INHBA: variants seen among roughly 807,000 people sequenced by gnomAD.
INHBA encodes the protein inhibin beta A chain.
Under a neutral mutation model 29.0 loss-of-function variants are expected in INHBA, and 1 was observed. The observed-to-expected ratio is 0.03, with a 90% CI of 0.01 to 0.16. The LOEUF (loss-of-function observed/expected upper bound fraction) is 0.16. Among genes scored for constraint, INHBA ranks in the 10% least tolerant of loss-of-function variants. The pLI, the probability that INHBA is intolerant of heterozygous loss-of-function variation, is 1.00. For synonymous variants in INHBA, 242 were observed against 216.8 expected, an observed-to-expected ratio of 1.12 and a Z score of -1.02; for missense variants, 376 against 545.4, an observed-to-expected ratio of 0.69 and a Z score of 3.09.
upstream of INHBA, among the ~76,000 whole-genome samples, chr7:41,703,607 T>C (rs1794843955): frequency 6.6e-6 from 1 of 152,178 alleles, no homozygotes; most frequent in African/African-American, 2.4e-5. Context: ...AATCATATGA[T>C]GATGGTCTCC....
At chr7:41,704,674 G>A (rs1304307071), upstream of INHBA, among the ~76,000 whole-genome samples, 1 of 150,250 alleles carries the variant, frequency 6.7e-6, no homozygotes, top group African/African-American at 2.5e-5. Flanking sequence ...CGTGGGGTGG[G>A]GGTGGGGGGC....
rs2128669131 is a variant in INHBA, at chr7:41,689,815, G to A, written c.1116C>T (p.Val372=). The change falls in exon 3 of 3, where the codon GTC becomes GTT. Residue 372 remains valine (V), a synonymous_variant. Transcript: ENST00000242208. ...GGCCCCGCATGCGGTAGTGGTTGAT[G>A]ACTGTTGAGTGGAAGGACAGTGAGG... ...SGSSLSFHST[V]INHYRMRGHS... 8 of 1,614,128 alleles carry A rather than the reference G, an allele frequency of 5.0e-6. No individual in the cohort carries two copies. The East Asian group carries it at 1.8e-4, about 36-fold the overall frequency.
chr7:41,700,487 T>A lies in INHBA; in HGVS notation c.-113A>T. 9.2e-7 allele frequency: 1 copy of A among 1,082,758 alleles called. No homozygotes were observed. The highest frequency in any genetic ancestry group is 1.2e-6 in the Non-Finnish European group (1 of 800,974). The allele number at this position is 1,082,758 out of a possible 1,614,324, so 67.1% of individuals were successfully genotyped here. A position where few individuals can be genotyped will look rare whatever the true frequency, so the allele number is the denominator to read the frequency against. On this transcript the variant is annotated 5_prime_UTR_variant, in exon 2 of 3. Transcript: ENST00000242208. ...TTTTTTTATTTTTTTTTTTGGTGTT[T>A]TTTTTTTCCTTCTCCTCTTCAGCAA...
rs1450956562 is a variant in INHBA at position 41,687,735 on chromosome 7, G to T, written c.*1915C>A. The stretch of plus-strand genomic sequence containing the variant: ...AATTAATTATCTTTTAGTTAGTGAT[G>T]ACATTATTTTTCCCAGCTGGTACAG... On this transcript the variant is annotated 3_prime_UTR_variant, in exon 3 of 3. Transcript: ENST00000242208. 6.6e-6 allele frequency: 1 copy of T among 152,100 alleles called. No homozygotes were observed. The highest frequency in any genetic ancestry group is 1.9e-4 in the East Asian group (1 of 5,202). 9.4% of individuals were successfully genotyped at this position (152,100 alleles called of 1,614,324 possible).
chr7:41,697,751 A>G (rs1186167182), intron 2 of INHBA, among the ~76,000 whole-genome samples: 1 of 152,226 alleles, frequency 6.6e-6, no homozygotes, highest in Non-Finnish European at 1.5e-5. Flanking sequence ...GGTCTTTTCT[A>G]TTCATGTTCA....
intron 2 of INHBA, among the ~76,000 whole-genome samples, chr7:41,694,334 G>C (rs971045596): frequency 2.6e-5 from 4 of 152,164 alleles, no homozygotes; most frequent in Non-Finnish European, 5.9e-5. Flanking sequence ...ACCTGAGAGA[G>C]ATTGCTATAC....
In INHBA at chr7:41,700,232, G is replaced by A. The variant is rs1316814689; in HGVS notation, c.143C>T (p.Pro48Leu). 9.3e-6 allele frequency: 15 copies of A among 1,613,396 alleles called. No individual in the cohort carries two copies. Among genetic ancestry groups the A allele is most frequent in the Non-Finnish European group, 1.3e-5 (15 of 1,179,620 alleles). ...CTCCACCATCTCTGGCTGAGAGTTG[G>A]GTACATCCTTTGGGAGGGCGGCCAG... ...CALAALPKDV[P>L]NSQPEMVEAV... The change falls in exon 2 of 3, where the codon CCC becomes CTC. Residue 48 changes from proline (P) to leucine (L), a missense_variant. By Grantham distance (98) the Pro-to-Leu change is moderately conservative. This residue lies in a region of INHBA where 71 missense variants were observed against 77.0 expected (regional missense o/e 0.92). Transcript: ENST00000242208.
intron 2 of INHBA, among the ~76,000 whole-genome samples, chr7:41,699,692 T>C (rs2128671231): frequency 6.6e-6 from 1 of 152,226 alleles, no homozygotes; most frequent in Admixed American, 6.5e-5. Flanking sequence ...ACAGTCTGCC[T>C]TCCAGCTCAA....
rs1259946920 is a variant in INHBA at position 41,700,444 on chromosome 7, T to G, written c.-70A>C. 1 of 1,350,478 alleles carries G rather than the reference T, an allele frequency of 7.4e-7. No individual in the cohort carries two copies. Among genetic ancestry groups the G allele is most frequent in the African/African-American group, 1.5e-5 (1 of 68,630 alleles). The allele number at this position is 1,350,478 out of a possible 1,614,324, so 83.7% of individuals were successfully genotyped here. A position where few individuals can be genotyped will look rare whatever the true frequency, so the allele number is the denominator to read the frequency against. On this transcript the variant is annotated 5_prime_UTR_variant, in exon 2 of 3. Coordinates refer to ENST00000242208, the MANE Select transcript of INHBA (RefSeq NM_002192.4). ...CTTTTCCTCCCCCCTCACGCGCAGG[T>G]TTTTTTGTGTGTGTGGATTTTTTTA...
chr7:41,703,380 T>A (rs1794838760), upstream of INHBA, among the ~76,000 whole-genome samples: 1 of 152,200 alleles, frequency 6.6e-6, no homozygotes, highest in Non-Finnish European at 1.5e-5. Context: ...TGTCCAACTT[T>A]CAACTTTTAC....
rs1794409836 is a variant in INHBA at position 41,687,269 on chromosome 7, C to T, written c.*2381G>A. Reference sequence around the variant, plus strand: ...ATGTTTGGTTTCTCACTGTTATCTTCCTTTCCTATAATTAATTTATTTTAA... The same window carrying T: ...ATGTTTGGTTTCTCACTGTTATCTTTCTTTCCTATAATTAATTTATTTTAA... On this transcript the variant is annotated 3_prime_UTR_variant, in exon 3 of 3. Transcript: ENST00000242208. The T allele has an allele frequency of 6.6e-6, 1 of 152,136 alleles. No individual in the cohort carries two copies. Among genetic ancestry groups the T allele is most frequent in the South Asian group, 2.1e-4 (1 of 4,820 alleles). The allele number at this position is 152,136 out of a possible 1,614,324, so 9.4% of individuals were successfully genotyped here.
Position 41,700,476 on chromosome 7 carries a change from T to C in INHBA, c.-102A>G. The C allele has an allele frequency of 8.5e-7, 1 of 1,182,694 alleles. No homozygotes were observed. The highest frequency in any genetic ancestry group is 1.5e-5 in the African/African-American group (1 of 64,660). 73.3% of individuals were successfully genotyped at this position (1,182,694 alleles called of 1,614,324 possible). A position where few individuals can be genotyped will look rare whatever the true frequency, so the allele number is the denominator to read the frequency against. On this transcript the variant is annotated 5_prime_UTR_variant, in exon 2 of 3. Coordinates refer to ENST00000242208, the MANE Select transcript of INHBA (RefSeq NM_002192.4). ...GTGTGTGTGGATTTTTTTATTTTTT[T>C]TTTTGGTGTTTTTTTTTTCCTTCTC...
At position 41,689,511 on chromosome 7, in the gene INHBA, T is replaced by C. The variant is rs939324583; in HGVS notation, c.*139A>G. On this transcript the variant is annotated 3_prime_UTR_variant, in exon 3 of 3. Transcript: ENST00000242208. ...ATCAGGTTTTGTTTTTAATTTACTT[T>C]TGTTTTTTTTTGTTTTTTTTTTTGT... 9 of 753,554 alleles carry C rather than the reference T, an allele frequency of 1.2e-5. No individual in the cohort carries two copies. In the Admixed American group the frequency reaches 3.1e-4, roughly 26 times the overall value. The allele number at this position is 753,554 out of a possible 1,614,324, so 46.7% of individuals were successfully genotyped here.
chr7:41,692,465 G>C (rs939979548), intron 2 of INHBA: 1 of 152,188 alleles, frequency 6.6e-6, no homozygotes, highest in Non-Finnish European at 1.5e-5. Context: ...TGTGGATTCT[G>C]TTCTTAATTT....
In INHBA at chr7:41,686,998, T is replaced by G. The variant is rs1794405571; in HGVS notation, c.*2652A>C. 1 of 152,206 alleles carries G rather than the reference T, an allele frequency of 6.6e-6. No homozygotes were observed. Among genetic ancestry groups the G allele is most frequent in the Non-Finnish European group, 1.5e-5 (1 of 68,028 alleles). The allele number at this position is 152,206 out of a possible 1,614,324, so 9.4% of individuals were successfully genotyped here. A position where few individuals can be genotyped will look rare whatever the true frequency, so the allele number is the denominator to read the frequency against. ...TAAAGTTGAACATGGCCATCTACTC[T>G]TGCCTTAAAACTTTTCTCACCACAC... On this transcript the variant is annotated 3_prime_UTR_variant, in exon 3 of 3. Coordinates refer to ENST00000242208, the MANE Select transcript of INHBA (RefSeq NM_002192.4).
Position 41,688,491 on chromosome 7 carries a change from C to A in INHBA, c.*1159G>T, listed in dbSNP as rs1289979348. 1 of 151,976 alleles carries A rather than the reference C, an allele frequency of 6.6e-6. No individual in the cohort carries two copies. The highest frequency in any genetic ancestry group is 1.5e-5 in the Non-Finnish European group (1 of 67,992). The allele number at this position is 151,976 out of a possible 1,614,324, so 9.4% of individuals were successfully genotyped here. A position where few individuals can be genotyped will look rare whatever the true frequency, so the allele number is the denominator to read the frequency against. ...CAGACAGACTGTTTAAAGGCTCACACAAATGTCTTTGGTGTATGTGTCTAT... is the reference window on the plus strand; with the variant it reads ...CAGACAGACTGTTTAAAGGCTCACAAAAATGTCTTTGGTGTATGTGTCTAT... On this transcript the variant is annotated 3_prime_UTR_variant, in exon 3 of 3. Transcript: ENST00000242208.
Position 41,690,351 on chromosome 7 carries a change from C to G in INHBA, c.580G>C (p.Glu194Gln), listed in dbSNP as rs1165688714. The G allele has an allele frequency of 1.2e-6, 2 of 1,614,090 alleles. No individual in the cohort carries two copies. Among genetic ancestry groups the G allele is most frequent in the Non-Finnish European group, 1.7e-6 (2 of 1,180,022 alleles). Residue 194 changes from glutamate to glutamine, a missense_variant, in exon 3 of 3, where the codon GAA (glutamate) becomes CAA (glutamine). This residue lies in a region of INHBA where 253 missense variants were observed against 313.4 expected (regional missense o/e 0.81). Transcript: ENST00000242208. Reference protein sequence around the residue: ...GSLDTGEEAEEVGLKGERSEL... With the variant: ...GSLDTGEEAEQVGLKGERSEL... ...CTCCTCTCCCCCTTTAAGCCCACTT[C>G]CTCGGCCTCTTCCCCTGTGTCCAAG...
At chr7:41,692,965 C>A (rs1794555537) in intron 2 of INHBA, among the ~76,000 whole-genome samples, 1 of 152,142 alleles carries the variant, frequency 6.6e-6, no homozygotes, top group Non-Finnish European at 1.5e-5. Flanking sequence ...CCGAGGGAAA[C>A]CTCCCAAGCC....
chr7:41,686,642 A>G lies in INHBA; in HGVS notation c.*3008T>C, dbSNP rs1794399728. The G allele has an allele frequency of 6.6e-6, 1 of 152,214 alleles. No individual in the cohort carries two copies. The highest frequency in any genetic ancestry group is 2.4e-5 in the African/African-American group (1 of 41,464). 9.4% of individuals were successfully genotyped at this position (152,214 alleles called of 1,614,324 possible). On this transcript the variant is annotated 3_prime_UTR_variant, in exon 3 of 3. Coordinates refer to ENST00000242208, the MANE Select transcript of INHBA (RefSeq NM_002192.4). ...AAGTTTGTGGGTGTTTGATAACCCAATCACTCAATATCCAATTAAAATATG... is the reference window on the plus strand; with the variant it reads ...AAGTTTGTGGGTGTTTGATAACCCAGTCACTCAATATCCAATTAAAATATG...
Sources: allele counts gnomAD v4.1 joint callset (sites outside exome capture counted in the v4.1 genomes callset), GRCh38; gene constraint gnomAD v4.1.1; regional missense constraint gnomAD v4.1.1; transcripts MANE v1.5; gene names NCBI Gene and HGNC (gene_info 2026-07-23, HGNC 2026-07-21).